Variants in PCDHGA1 observed in about 807,000 individuals in gnomAD.
The protein encoded by PCDHGA1 is protocadherin gamma-A1.
A neutral mutation model predicts 58.0 loss-of-function variants in PCDHGA1; 32 were observed. The ratio of observed to expected loss-of-function variants is 0.55; its 90% CI spans 0.42 to 0.74. The LOEUF (loss-of-function observed/expected upper bound fraction) is 0.74, where lower values mean the gene tolerates loss of function less well. PCDHGA1 is among the 30% of genes least tolerant of loss of function. The pLI is 0.00. For missense variants in PCDHGA1, 1,205 were observed against 1,182.3 expected, an observed-to-expected ratio of 1.02 and a Z score of -0.28; for synonymous variants, 498 against 501.1, an observed-to-expected ratio of 0.99 and a Z score of 0.08.
At chr5:141,434,128 G>A (rs1267483739) in intron 1 of PCDHGA1, among the ~76,000 whole-genome samples, 1 of 152,138 alleles carries the variant, frequency 6.6e-6, no homozygotes, top group Non-Finnish European at 1.5e-5. Flanking sequence ...ACTCCCTTTA[G>A]GCTGATTTCT....
intron 1 of PCDHGA1, chr5:141,393,806 CA>C (rs1489692597): frequency 6.2e-7 from 1 of 1,613,866 alleles, no homozygotes; most frequent in Non-Finnish European, 8.5e-7. Context: ...TGGGGAGGAC[CA>C]AATTGCTCAT....
intron 1 of PCDHGA1, among the ~76,000 whole-genome samples, chr5:141,430,329 T>G (rs1466381565): frequency 1.3e-5 from 2 of 151,776 alleles, no homozygotes; most frequent in Non-Finnish European, 2.9e-5. Flanking sequence ...AATCATTGTT[T>G]ATAGAAACTT....
intron 1 of PCDHGA1, chr5:141,395,539 TG>T: frequency 9.6e-6 from 2 of 208,432 alleles, no homozygotes; most frequent in Non-Finnish European, 1.6e-5. Flanking sequence ...ATTTTGCTAT[TG>T]TTTGTGTGTG....
intron 1 of PCDHGA1, chr5:141,355,159 G>C (rs752051365): frequency 5.8e-6 from 9 of 1,558,856 alleles, no homozygotes; most frequent in Non-Finnish European, 7.8e-6. Context: ...GGCCTCGACA[G>C]AGGGAAAACC....
chr5:141,487,123 T>C lies in PCDHGA1; in HGVS notation c.2422-7684T>C. 6.2e-7 allele frequency: 1 copy of C among 1,614,086 alleles called. No homozygotes were observed. The highest frequency in any genetic ancestry group is 1.1e-5 in the South Asian group (1 of 91,082). On this transcript the variant is annotated intron_variant, in intron 1 of 3. Coordinates refer to ENST00000517417, the MANE Select transcript of PCDHGA1 (RefSeq NM_018912.3). The surrounding 1 kb of genome is among the most constrained non-coding windows in gnomAD (Gnocchi z 5.0). ...AGCTGGTCATTGTGGTAAAGGATAG[T>C]GGTAGTCCACCACTCTCTACCTCTG...
chr5:141,404,725 G>A (rs1381392805), intron 1 of PCDHGA1: 1 of 1,613,980 alleles, frequency 6.2e-7, no homozygotes, highest in Non-Finnish European at 8.5e-7. Context: ...TGACCAAGGT[G>A]GTGGCAGTGG....
At chr5:141,405,352 T>C (rs747137239) in intron 1 of PCDHGA1, 12 of 1,614,170 alleles carry the variant, frequency 7.4e-6, no homozygotes, top group Middle Eastern at 1.6e-4. Flanking sequence ...CCAAGTTTCC[T>C]ATAGAAGACA....
chr5:141,408,922 G>C, intron 1 of PCDHGA1: 1 of 1,613,222 alleles, frequency 6.2e-7, no homozygotes. Context: ...ATAACCCCCC[G>C]GTTTTCAGCA....
rs551729279 is a variant in PCDHGA1 at position 141,347,618 on chromosome 5, C to A, written c.2421+14513C>A. Among the ~76,000 whole-genome samples the A allele has an allele frequency of 6.6e-5, 10 of 152,116 alleles. No individual in the cohort carries two copies. In the South Asian group the frequency reaches 2.1e-3, roughly 32 times the overall value. The stretch of plus-strand genomic sequence containing the variant: ...CCTGGCCAACATGGTGAAAGCCTGT[C>A]TCTACTAAAAATACAAAAATTAGCT... On this transcript the variant is annotated intron_variant, in intron 1 of 3. Coordinates refer to ENST00000517417, the MANE Select transcript of PCDHGA1 (RefSeq NM_018912.3).
At chr5:141,372,628 A>G (rs1561557041) in intron 1 of PCDHGA1, 5 of 1,614,014 alleles carry the variant, frequency 3.1e-6, no homozygotes, top group Non-Finnish European at 4.2e-6. Flanking sequence ...ACCTACAGCG[A>G]AAGGACTTTG....
chr5:141,340,870 G>C (rs1561483312), intron 1 of PCDHGA1: 1 of 1,613,662 alleles, frequency 6.2e-7, no homozygotes. Context: ...GAGCCCTGCT[G>C]GACAGAGACG....
At chr5:141,371,060 A>G in intron 1 of PCDHGA1, 1 of 1,613,980 alleles carries the variant, frequency 6.2e-7, no homozygotes, top group Non-Finnish European at 8.5e-7. Flanking sequence ...AGCCCTCCAG[A>G]AGCTGTACCA....
chr5:141,344,202 C>CG, intron 1 of PCDHGA1: 5 of 1,614,012 alleles, frequency 3.1e-6, no homozygotes, highest in Non-Finnish European at 4.2e-6. Context: ...GCTAGAGCCC[C>CG]GGGAGCTGGC....
intron 1 of PCDHGA1, chr5:141,384,810 C>G: frequency 6.2e-7 from 1 of 1,613,420 alleles, no homozygotes; most frequent in Non-Finnish European, 8.5e-7. Flanking sequence ...ACAGAGATGC[C>G]CTCAAGCAGA....
rs770219250 is a variant in PCDHGA1, at chr5:141,477,852, T to C, written c.2422-16955T>C. Reference sequence around the variant, plus strand: ...CGGCCAGGTGGGAGCTCGGTGGAGATGCTGCCTCGAGGTACCTCAGCTGGC... The same window carrying C: ...CGGCCAGGTGGGAGCTCGGTGGAGACGCTGCCTCGAGGTACCTCAGCTGGC... On this transcript the variant is annotated intron_variant, in intron 1 of 3. Transcript: ENST00000517417. This position sits in a 1 kb window ranked among gnomAD's most constrained non-coding sequence, Gnocchi z 4.9. The C allele has an allele frequency of 6.2e-7, 1 of 1,613,654 alleles. No homozygotes were observed. Among genetic ancestry groups the C allele is most frequent in the Admixed American group, 1.7e-5 (1 of 59,980 alleles).
At chr5:141,456,119 C>G (rs902179639) in intron 1 of PCDHGA1, among the ~76,000 whole-genome samples, 3 of 151,826 alleles carry the variant, frequency 2.0e-5, no homozygotes, top group Non-Finnish European at 4.4e-5. Flanking sequence ...GGATGGTCTC[C>G]ATCTCCTGAC....
intron 1 of PCDHGA1, among the ~76,000 whole-genome samples, chr5:141,461,733 C>G (rs930217307): frequency 2.0e-5 from 3 of 152,168 alleles, no homozygotes; most frequent in African/African-American, 2.4e-5. Context: ...TGCAGTGGCA[C>G]AATCCCGGCT....
chr5:141,416,747 T>A (rs920641906), intron 1 of PCDHGA1: 2 of 152,240 alleles, frequency 1.3e-5, no homozygotes, highest in African/African-American at 4.8e-5. Flanking sequence ...AATAGTGACG[T>A]ATTAGGTAGA....
At chr5:141,434,683 T>A (rs1057301534) in intron 1 of PCDHGA1, among the ~76,000 whole-genome samples, 8 of 152,248 alleles carry the variant, frequency 5.3e-5, no homozygotes, top group Non-Finnish European at 5.9e-5. Flanking sequence ...AATGACTGGC[T>A]TGCTGTTAAT....
Sources: allele counts gnomAD v4.1 joint callset (sites outside exome capture counted in the v4.1 genomes callset), GRCh38; gene constraint gnomAD v4.1.1; non-coding constraint Gnocchi (gnomAD v3.1); transcripts MANE v1.5; gene names NCBI Gene and HGNC (gene_info 2026-07-23, HGNC 2026-07-21).